RNF14: variants seen among roughly 807,000 people sequenced by gnomAD.
RNF14 encodes E3 ubiquitin-protein ligase RNF14.
In RNF14, 26 loss-of-function variants were observed where a neutral mutation model predicts 52.6. That is an observed-to-expected ratio of 0.49 (90% CI 0.36 to 0.69). The LOEUF (loss-of-function observed/expected upper bound fraction) is 0.69, where lower values mean the gene tolerates loss of function less well. Ranked by LOEUF, RNF14 falls within the 30% of genes least tolerant of loss-of-function variation. The pLI, the probability that RNF14 is intolerant of heterozygous loss-of-function variation, is 0.00. For missense variants in RNF14, 404 were observed against 560.4 expected (o/e 0.72, Z 2.82); for synonymous variants, 194 against 202.0 (o/e 0.96, Z 0.34).
At chr5:141,961,910 C>T (rs771939302), upstream of RNF14, among the ~76,000 whole-genome samples, 1 of 152,296 alleles carries the variant, frequency 6.6e-6, no homozygotes. Flanking sequence ...GCTGGCTGCC[C>T]CACTTCCAGG....
chr5:141,953,770 C>T (rs781066143), upstream of RNF14, among the ~76,000 whole-genome samples: 3 of 152,210 alleles, frequency 2.0e-5, no homozygotes, highest in Non-Finnish European at 2.9e-5. Flanking sequence ...GGGTCTGCAC[C>T]GATCCCAGGG....
chr5:141,955,968 C>T (rs547886985), upstream of RNF14: 94 of 1,614,122 alleles, frequency 5.8e-5, no homozygotes, highest in South Asian at 4.4e-4. The surrounding 1 kb of genome is among the most constrained non-coding windows in gnomAD (Gnocchi z 5.5). Flanking sequence ...CATTTGCCCC[C>T]GAGTCTGCAT....
At chr5:141,960,201 C>A (rs765583335) in intron 1 of RNF14, among the ~76,000 whole-genome samples, 1 of 152,176 alleles carries the variant, frequency 6.6e-6, no homozygotes, top group African/African-American at 2.4e-5. Context: ...TCTCACTATC[C>A]GCCCCGCAAT....
At chr5:141,967,142 G>T, upstream of RNF14, among the ~76,000 whole-genome samples, 1 of 152,140 alleles carries the variant, frequency 6.6e-6, no homozygotes. Context: ...TGGCAGCCAG[G>T]TAATCCCTTG....
At chr5:141,962,562 G>A (rs907666955), upstream of RNF14, among the ~76,000 whole-genome samples, 2 of 152,198 alleles carry the variant, frequency 1.3e-5, no homozygotes, top group African/African-American at 4.8e-5. Context: ...AAATAGACGG[G>A]AGGAGGGAGA....
At chr5:141,976,478 A>G (rs999099583) in intron 4 of RNF14, among the ~76,000 whole-genome samples, 16 of 152,184 alleles carry the variant, frequency 1.1e-4, no homozygotes, top group Non-Finnish European at 1.5e-5. Context: ...AAATTACAGT[A>G]GAATTCTTAA....
chr5:141,955,643 T>C (rs1753166944), upstream of RNF14: 4 of 1,614,110 alleles, frequency 2.5e-6, no homozygotes, highest in Admixed American at 1.7e-5. This position sits in a 1 kb window ranked among gnomAD's most constrained non-coding sequence, Gnocchi z 5.5. Flanking sequence ...CAGATGGACA[T>C]GAACAAAGCC....
At chr5:141,955,558 C>G, upstream of RNF14, 1 of 1,614,172 alleles carries the variant, frequency 6.2e-7, no homozygotes, top group East Asian at 2.2e-5. This position sits in a 1 kb window ranked among gnomAD's most constrained non-coding sequence, Gnocchi z 5.5. Flanking sequence ...TTTCTGGGGC[C>G]TCTTGGGCTG....
chr5:141,967,924 A>G (rs149057006), upstream of RNF14, among the ~76,000 whole-genome samples: 50 of 152,298 alleles, frequency 3.3e-4, 1 homozygote, highest in African/African-American at 1.2e-3. Flanking sequence ...TACAACTATC[A>G]CTGCTCTCTA....
chr5:141,957,678 C>T (rs774430260), upstream of RNF14: 127 of 1,614,192 alleles, frequency 7.9e-5, no homozygotes, highest in Middle Eastern at 1.2e-3. The surrounding 1 kb of genome is among the most constrained non-coding windows in gnomAD (Gnocchi z 4.3). Flanking sequence ...CTTGCCTCCG[C>T]CTCTCCTCCC....
the RNF14 span, chr5:141,951,682 TTA>T: frequency 3.3e-6 from 3 of 909,198 alleles, no homozygotes; most frequent in South Asian, 4.0e-5. Flanking sequence ...TGCTTTCTTT[TTA>T]TAGTCTTTCC....
chr5:141,965,228 C>G (rs552908823), upstream of RNF14, among the ~76,000 whole-genome samples: 2 of 152,258 alleles, frequency 1.3e-5, no homozygotes, highest in South Asian at 2.1e-4. Context: ...AGCAAAGTTT[C>G]GGGACAGCTA....
At chr5:141,955,739 A>C, upstream of RNF14, 2 of 1,614,112 alleles carry the variant, frequency 1.2e-6, no homozygotes, top group Non-Finnish European at 1.7e-6. This position sits in a 1 kb window ranked among gnomAD's most constrained non-coding sequence, Gnocchi z 5.5. Context: ...TTGCGGGCTG[A>C]GTCCCTCAGG....
chr5:141,957,462 G>A (rs781645827), upstream of RNF14: 6 of 1,612,534 alleles, frequency 3.7e-6, no homozygotes, highest in Non-Finnish European at 5.1e-6. The surrounding 1 kb of genome is among the most constrained non-coding windows in gnomAD (Gnocchi z 4.3). Context: ...GTGGCTGGTG[G>A]TCATTGATGT....
At chr5:141,980,383 C>T in intron 6 of RNF14, 32 bp downstream of exon 6, 1 of 1,505,888 alleles carries the variant, frequency 6.6e-7, no homozygotes, top group Non-Finnish European at 9.2e-7. Context: ...AAACCCCCAT[C>T]CCCAGTCTCT....
chr5:141,955,317 C>A (rs779793170), upstream of RNF14: 4 of 1,614,058 alleles, frequency 2.5e-6, no homozygotes, highest in African/African-American at 1.3e-5. The surrounding 1 kb of genome is among the most constrained non-coding windows in gnomAD (Gnocchi z 5.5). Flanking sequence ...GGAGGTTGAC[C>A]GTGTCTTGCA....
rs1333624615 is a variant in RNF14, at chr5:141,984,875, C to T, written c.1309C>T (p.Leu437Phe). The change falls in exon 8 of 9, where the codon CTC becomes TTC. Residue 437 changes from leucine to phenylalanine, a missense_variant. By Grantham distance (22) the Leu-to-Phe change is conservative (BLOSUM62 0). Transcript: ENST00000394520. ...TTTCTGTTGGATTTGCATGGGTTCTCTCTCTAGAGCAAACCCTTACAAACA... is the reference window on the plus strand; with the variant it reads ...TTTCTGTTGGATTTGCATGGGTTCTTTCTCTAGAGCAAACCCTTACAAACA... The part of the protein sequence containing the change: ...QYFCWICMGS[L>F]SRANPYKHFN... The T allele has an allele frequency of 1.2e-6, 2 of 1,613,738 alleles. No homozygotes were observed. Among genetic ancestry groups the T allele is most frequent in the South Asian group, 1.1e-5 (1 of 91,072 alleles).
chr5:141,953,910 C>T (rs1385977411), upstream of RNF14, among the ~76,000 whole-genome samples: 7 of 152,156 alleles, frequency 4.6e-5, no homozygotes, highest in Non-Finnish European at 8.8e-5. Flanking sequence ...GTGCCTTGGG[C>T]GGGCAGCCTG....
chr5:141,979,233 G>GTGTTGT (rs1360812561), intron 5 of RNF14, among the ~76,000 whole-genome samples: 2 of 150,744 alleles, frequency 1.3e-5, no homozygotes, highest in African/African-American at 4.8e-5. Context: ...GGTGGTGGTG[G>GTGTTGT]TGTTGTTGTT....
Sources: gnomAD v4.1 joint callset for allele counts (sites outside exome capture counted in the v4.1 genomes callset) on GRCh38, gnomAD v4.1.1 for gene constraint, Gnocchi (gnomAD v3.1) non-coding constraint, MANE v1.5 for transcripts, NCBI Gene and HGNC (gene_info 2026-07-23, HGNC 2026-07-21) for gene names.